Variants in PCDH11X observed in about 807,000 individuals in gnomAD.
PCDH11X encodes the protein protocadherin 11 X-linked, also known as protocadherin-11 X-linked.
A neutral mutation model predicts 53.3 loss-of-function variants in PCDH11X; 18 were observed. That is an observed-to-expected ratio of 0.34 (90% CI 0.23 to 0.50). The LOEUF (loss-of-function observed/expected upper bound fraction) is 0.50. PCDH11X is among the 20% of genes least tolerant of loss of function. The pLI is 0.98. For synonymous variants in PCDH11X, 279 were observed against 393.3 expected, an observed-to-expected ratio of 0.71 and a Z score of 3.44; for missense variants, 570 against 1,032.4, an observed-to-expected ratio of 0.55 and a Z score of 6.14.
chrX:92,375,512 T>G (rs2148558228), intron 8 of PCDH11X, among the ~76,000 whole-genome samples: 1 of 106,247 alleles, frequency 9.4e-6, no homozygotes, highest in South Asian at 4.3e-4. Flanking sequence ...AGTTTATGTT[T>G]ATATGTATTT....
At chrX:91,894,577 T>A (rs1446411583) in intron 6 of PCDH11X, among the ~76,000 whole-genome samples, 1 of 111,702 alleles carries the variant, frequency 9.0e-6, no homozygotes, top group South Asian at 3.8e-4. Flanking sequence ...TTACTCCGAT[T>A]TATTTCTTAG....
intron 6 of PCDH11X, among the ~76,000 whole-genome samples, chrX:92,106,567 C>A (rs1280433520): frequency 9.0e-6 from 1 of 111,370 alleles, no homozygotes; most frequent in Non-Finnish European, 1.9e-5. Flanking sequence ...TTTTTGATAT[C>A]TACTATTTGA....
At chrX:92,337,143 G>A (rs1049691168) in intron 8 of PCDH11X, among the ~76,000 whole-genome samples, 1 of 108,036 alleles carries the variant, frequency 9.3e-6, no homozygotes, top group Non-Finnish European at 1.9e-5. Context: ...CCGGAACACT[G>A]AGGCTGCATA....
intron 6 of PCDH11X, among the ~76,000 whole-genome samples, chrX:91,903,082 C>G (rs1460551698): frequency 9.0e-6 from 1 of 111,290 alleles, no homozygotes; most frequent in Non-Finnish European, 1.9e-5. Context: ...ATATGTCACA[C>G]AAATACTATT....
chrX:92,128,505 C>T (rs1311836337), intron 6 of PCDH11X, among the ~76,000 whole-genome samples: 5 of 107,679 alleles, frequency 4.6e-5, no homozygotes, highest in African/African-American at 1.7e-4. Flanking sequence ...TCAAGTGATT[C>T]TCCTGCTTCA....
chrX:92,270,912 TA>T (rs1424231186), intron 8 of PCDH11X, among the ~76,000 whole-genome samples: 1 of 111,993 alleles, frequency 8.9e-6, no homozygotes, highest in Non-Finnish European at 1.9e-5. Flanking sequence ...CCCATGTTTT[TA>T]TTTTCCATTC....
chrX:92,531,204 C>G (rs1274770749), intron 10 of PCDH11X, among the ~76,000 whole-genome samples: 1 of 110,945 alleles, frequency 9.0e-6, no homozygotes, highest in Non-Finnish European at 1.9e-5. Context: ...TTAAAATTAA[C>G]TCTGTAAGTA....
intron 1 of PCDH11X, among the ~76,000 whole-genome samples, chrX:91,797,069 TTAAC>T (rs1421063671): frequency 8.1e-5 from 9 of 111,157 alleles, no homozygotes; most frequent in Non-Finnish European, 1.7e-4. Flanking sequence ...CTCAGCTTTA[TTAAC>T]TGTGTTAGGA....
At position 92,009,130 on chromosome X, in the gene PCDH11X, T is replaced by G. The variant is rs547612225; in HGVS notation, c.3033+129857T>G. On this transcript the variant is annotated intron_variant, in intron 6 of 10. Coordinates refer to ENST00000682573, the MANE Select transcript of PCDH11X (RefSeq NM_032968.5). ...TGTGCTCCTTTTTAGTAACTATATT[T>G]GAAATATCTAAGTTTATTCCCATTA... is the stretch of plus-strand genomic sequence containing the variant. 2.3e-4 allele frequency among the ~76,000 whole-genome samples: 26 copies of G among 112,545 alleles called. 1 individual carries two copies. The highest frequency in any genetic ancestry group is 4.6e-3 in the Middle Eastern group (1 of 216).
chrX:92,276,286 C>G (rs1295203153), intron 8 of PCDH11X, among the ~76,000 whole-genome samples: 1 of 107,073 alleles, frequency 9.3e-6, no homozygotes, highest in Non-Finnish European at 1.9e-5. Context: ...GCTCGGCATC[C>G]GTGATGGTCT....
chrX:91,821,444 G>T (rs1217431832), intron 4 of PCDH11X, among the ~76,000 whole-genome samples: 1 of 110,977 alleles, frequency 9.0e-6, no homozygotes, highest in Non-Finnish European at 1.9e-5. Context: ...AATTGTGAAT[G>T]GGAGTTCACT....
rs1284900083 is a variant in PCDH11X, at chrX:91,977,938, C to T, written c.3033+98665C>T. Among the ~76,000 whole-genome samples the T allele has an allele frequency of 3.6e-5, 4 of 111,528 alleles. No individual in the cohort carries two copies. The Admixed American group carries it at 3.9e-4, about 11-fold the overall frequency. ...CCAGGCTCCTAATTGTTTTCTCCTT[C>T]AAGTTGTAAATTCTCCCTGTCCAAA... On this transcript the variant is annotated intron_variant, in intron 6 of 10. Transcript: ENST00000682573.
At chrX:91,786,264 T>G (rs1416117552) in intron 1 of PCDH11X, among the ~76,000 whole-genome samples, 3 of 107,859 alleles carry the variant, frequency 2.8e-5, no homozygotes, top group Non-Finnish European at 5.8e-5. Flanking sequence ...GAATGATTTT[T>G]GTACACCTAA....
At chrX:91,990,876 C>T (rs1300769613) in intron 6 of PCDH11X, among the ~76,000 whole-genome samples, 1 of 103,923 alleles carries the variant, frequency 9.6e-6, no homozygotes, top group Non-Finnish European at 2.0e-5. Flanking sequence ...AAGTGAGGGA[C>T]CTGACTTTTC....
intron 7 of PCDH11X, among the ~76,000 whole-genome samples, chrX:92,228,759 T>A (rs1359122980): frequency 3.6e-5 from 4 of 111,438 alleles, no homozygotes; most frequent in Non-Finnish European, 7.6e-5. Context: ...TGAAAAAAAA[T>A]TTTTGATGTG....
chrX:91,855,803 C>G (rs768055005), intron 5 of PCDH11X, among the ~76,000 whole-genome samples: 1 of 111,009 alleles, frequency 9.0e-6, no homozygotes, highest in Non-Finnish European at 1.9e-5. Context: ...TCACATTGGT[C>G]GCTGTTGGCA....
intron 10 of PCDH11X, among the ~76,000 whole-genome samples, chrX:92,471,580 G>A (rs759208747): frequency 1.1e-3 from 123 of 111,052 alleles, no homozygotes; most frequent in African/African-American, 2.8e-3. Flanking sequence ...ATATGCATGC[G>A]TGTGTCTTTA....
At chrX:91,996,023 A>G (rs1400193159) in intron 6 of PCDH11X, among the ~76,000 whole-genome samples, 1 of 103,074 alleles carries the variant, frequency 9.7e-6, no homozygotes, top group East Asian at 3.1e-4. Flanking sequence ...TGTATTTTTT[A>G]GTAGAGACGG....
intron 8 of PCDH11X, among the ~76,000 whole-genome samples, chrX:92,363,015 C>A (rs1422318583): frequency 3.6e-5 from 4 of 110,638 alleles, no homozygotes; most frequent in Non-Finnish European, 7.6e-5. Context: ...GTCTATTTAT[C>A]TGTCTTTATT....
Sources: gnomAD v4.1 joint callset for allele counts (sites outside exome capture counted in the v4.1 genomes callset) on GRCh38, gnomAD v4.1.1 for gene constraint, MANE v1.5 for transcripts, NCBI Gene and HGNC (gene_info 2026-07-23, HGNC 2026-07-21) for gene names.